Variants in SLC44A1 observed in about 807,000 individuals in gnomAD.
SLC44A1 encodes the protein choline transporter-like protein 1.
In SLC44A1, 26 loss-of-function variants were observed where a neutral mutation model predicts 79.3. That is an observed-to-expected ratio of 0.33 (90% CI 0.24 to 0.46). SLC44A1 has a LOEUF of 0.46. Ranked by LOEUF, SLC44A1 falls within the 20% of genes least tolerant of loss-of-function variation. The pLI is 1.00. For missense variants in SLC44A1, 688 were observed against 798.1 expected (o/e 0.86, Z 1.66); for synonymous variants, 263 against 286.2 (o/e 0.92, Z 0.82).
chr9:105,393,857 G>A lies in SLC44A1; in HGVS notation c.*4801G>A, dbSNP rs951476424. 6.1e-6 allele frequency: 6 copies of A among 984,662 alleles called. No individual in the cohort carries two copies. In the African/African-American group the frequency reaches 1.0e-4, roughly 17 times the overall value. The allele number at this position is 984,662 out of a possible 1,614,324, so 61.0% of individuals were successfully genotyped here. A position where few individuals can be genotyped will look rare whatever the true frequency, so the allele number is the denominator to read the frequency against. ...TAAATGATTTTCTCCAGGACACGGA[G>A]CTCAGAATAATAAAGCTTTTATTAA... On this transcript the variant is annotated 3_prime_UTR_variant, in exon 16 of 16. Coordinates refer to ENST00000374720, the MANE Select transcript of SLC44A1 (RefSeq NM_080546.5).
At chr9:105,416,015 C>T (rs1263738861) in intron 15 of SLC44A1, among the ~76,000 whole-genome samples, 3 of 150,812 alleles carry the variant, frequency 2.0e-5, no homozygotes, top group Non-Finnish European at 4.4e-5. Context: ...GATTCTCCTA[C>T]GTCAGCCTCC....
chr9:105,303,421 A>G (rs965123340), intron 2 of SLC44A1, among the ~76,000 whole-genome samples: 2 of 152,156 alleles, frequency 1.3e-5, no homozygotes, highest in Non-Finnish European at 2.9e-5. Context: ...AGGAGGCTGG[A>G]TGGCCCTAAC....
At chr9:105,427,153 G>T (rs1241003130) in intron 15 of SLC44A1, among the ~76,000 whole-genome samples, 1 of 152,040 alleles carries the variant, frequency 6.6e-6, no homozygotes, top group African/African-American at 2.4e-5. Context: ...GGCTAGTCTT[G>T]AACTCCTGAG....
intron 1 of SLC44A1, among the ~76,000 whole-genome samples, chr9:105,262,802 C>T (rs999316141): frequency 1.1e-4 from 17 of 152,202 alleles, no homozygotes; most frequent in African/African-American, 3.9e-4. Context: ...ATCAGACCAC[C>T]TTTCCATTTA....
intron 1 of SLC44A1, among the ~76,000 whole-genome samples, chr9:105,284,304 A>G (rs957838142): frequency 4.0e-5 from 6 of 150,506 alleles, no homozygotes; most frequent in Non-Finnish European, 7.4e-5. Context: ...AGCTCAAGCA[A>G]TCCTCCCACA....
At chr9:105,361,475 C>G (rs541748096) in intron 8 of SLC44A1, 145 bp downstream of exon 8, 2 of 755,852 alleles carry the variant, frequency 2.6e-6, no homozygotes, top group African/African-American at 1.8e-5. Flanking sequence ...GTATGAAACA[C>G]TAAAAAGTCT....
Position 105,389,624 on chromosome 9 carries a change from A to G in SLC44A1, c.*568A>G. 2 of 1,194,648 alleles carry G rather than the reference A, an allele frequency of 1.7e-6. No homozygotes were observed. The highest frequency in any genetic ancestry group is 2.1e-6 in the Non-Finnish European group (2 of 963,572). 74.0% of individuals were successfully genotyped at this position (1,194,648 alleles called of 1,614,324 possible). On this transcript the variant is annotated 3_prime_UTR_variant, in exon 16 of 16. Transcript: ENST00000374720. ...TTTTAGAAACATACAATTGGGCCCA[A>G]TATGGGAATTTTCATAATAGTTCAT...
chr9:105,330,195 TCAGGGATCCCAGAAGATTAGGGATCTC>T (rs573653471), intron 3 of SLC44A1, among the ~76,000 whole-genome samples: 4 of 152,306 alleles, frequency 2.6e-5, no homozygotes, highest in African/African-American at 4.8e-5. Context: ...GCTTTGTCTG[TCAGGGATCCCAGAAGATTAGGGATCTC>T]CAGGGATCCC....
chr9:105,297,487 G>A (rs762472596), intron 1 of SLC44A1, among the ~76,000 whole-genome samples: 10 of 152,102 alleles, frequency 6.6e-5, no homozygotes, highest in Non-Finnish European at 7.4e-5. Flanking sequence ...GGGTTCAAGC[G>A]ATTTTCCTGC....
intron 1 of SLC44A1, among the ~76,000 whole-genome samples, chr9:105,288,903 T>A (rs1047570060): frequency 4.1e-4 from 62 of 152,348 alleles, no homozygotes; most frequent in African/African-American, 1.4e-3. Flanking sequence ...TTTTGGAGAA[T>A]CTTACAATAA....
At chr9:105,417,011 G>C (rs1829181137) in intron 15 of SLC44A1, among the ~76,000 whole-genome samples, 2 of 152,202 alleles carry the variant, frequency 1.3e-5, no homozygotes, top group African/African-American at 4.8e-5. Context: ...CCTGTGTGCT[G>C]TAAAAGGTTT....
chr9:105,392,035 AG>A lies in SLC44A1; in HGVS notation c.*2980del, dbSNP rs1828773377. On this transcript the variant is annotated 3_prime_UTR_variant, in exon 16 of 16. Transcript: ENST00000374720. Reference sequence around the variant, plus strand: ...AATAAGGTCTTCCATAATATGGAAGAGAAAAGTTATATTTCAGTGTAAATCC... The same window carrying A: ...AATAAGGTCTTCCATAATATGGAAGAAAAAGTTATATTTCAGTGTAAATCC... 1.0e-6 allele frequency: 1 copy of A among 985,214 alleles called. No homozygotes were observed. Among genetic ancestry groups the A allele is most frequent in the Admixed American group, 6.2e-5 (1 of 16,256 alleles). 61.0% of individuals were successfully genotyped at this position (985,214 alleles called of 1,614,324 possible).
chr9:105,431,496 A>G (rs1263771595), intron 15 of SLC44A1, among the ~76,000 whole-genome samples: 3 of 152,220 alleles, frequency 2.0e-5, no homozygotes, highest in Admixed American at 2.0e-4. Context: ...TTCATTCTCT[A>G]ACAAGTGCCT....
chr9:105,310,529 A>G (rs12376222), intron 3 of SLC44A1, among the ~76,000 whole-genome samples: 1,922 of 152,322 alleles, frequency 0.013, 11 homozygotes, highest in Middle Eastern at 0.048. Flanking sequence ...TTTATGCCCC[A>G]TGAAACCTTA....
intron 2 of SLC44A1, among the ~76,000 whole-genome samples, chr9:105,303,478 C>G (rs1485391669): frequency 6.6e-6 from 1 of 152,178 alleles, no homozygotes; most frequent in Admixed American, 6.5e-5. Context: ...CCCCCTACAA[C>G]TTACTTACCC....
chr9:105,244,730 C>CGCCGCTGCA lies in SLC44A1; in HGVS notation c.-133_-125dup, dbSNP rs1829380905. ...GCCGCGCCGCCTCTTGAGTACCAGC[C>CGCCGCTGCA]GCCGCTGCAGCCGCCGCCGCCGCCT... On this transcript the variant is annotated 5_prime_UTR_variant, in exon 1 of 16. Transcript: ENST00000374720. 4 of 367,496 alleles carry CGCCGCTGCA rather than the reference C, an allele frequency of 1.1e-5. No homozygotes were observed. The highest frequency in any genetic ancestry group is 2.2e-5 in the African/African-American group (1 of 45,888). The allele number at this position is 367,496 out of a possible 1,614,324, so 22.8% of individuals were successfully genotyped here.
chr9:105,396,585 G>A lies in SLC44A1; in HGVS notation c.*7529G>A. 2 of 985,442 alleles carry A rather than the reference G, an allele frequency of 2.0e-6. No individual in the cohort carries two copies. The highest frequency in any genetic ancestry group is 2.4e-6 in the Non-Finnish European group (2 of 829,942). The allele number at this position is 985,442 out of a possible 1,614,324, so 61.0% of individuals were successfully genotyped here. A position where few individuals can be genotyped will look rare whatever the true frequency, so the allele number is the denominator to read the frequency against. On this transcript the variant is annotated 3_prime_UTR_variant, in exon 16 of 16. Transcript: ENST00000374720. ...CAGGCACTGAGTCTTCACATCCAGTGTCAAGCCCAGCCCAGCATATGGGGT... is the reference window on the plus strand; with the variant it reads ...CAGGCACTGAGTCTTCACATCCAGTATCAAGCCCAGCCCAGCATATGGGGT...
intron 2 of SLC44A1, among the ~76,000 whole-genome samples, chr9:105,309,062 T>G (rs1368591409): frequency 3.6e-4 from 55 of 152,216 alleles, no homozygotes; most frequent in Admixed American, 3.6e-3. Context: ...CCTCCAGTCT[T>G]CAATATTAAG....
At chr9:105,263,090 C>T (rs1221924928) in intron 1 of SLC44A1, among the ~76,000 whole-genome samples, 1 of 152,128 alleles carries the variant, frequency 6.6e-6, no homozygotes, top group Non-Finnish European at 1.5e-5. Flanking sequence ...ACATGGAATC[C>T]TTTTACAGAA....
Sources: allele counts gnomAD v4.1 joint callset (sites outside exome capture counted in the v4.1 genomes callset), GRCh38; gene constraint gnomAD v4.1.1; transcripts MANE v1.5; gene names NCBI Gene and HGNC (gene_info 2026-07-23, HGNC 2026-07-21).